CYP3A7: variants seen among roughly 807,000 people sequenced by gnomAD.
CYP3A7 encodes the protein cytochrome P450 3A7.
In CYP3A7, 45 loss-of-function variants were observed where a neutral mutation model predicts 55.2. That is an observed-to-expected ratio of 0.82 (90% confidence interval 0.64 to 1.05). The LOEUF is 1.05. CYP3A7 is among the 50% of genes least tolerant of loss of function. The probability of loss-of-function intolerance (pLI) is 0.00; values close to 1 mark genes in which losing one functional copy is unlikely to be tolerated. For missense variants in CYP3A7, 548 were observed against 605.3 expected, an observed-to-expected ratio of 0.91 and a Z score of 0.99; for synonymous variants, 180 against 207.4, an observed-to-expected ratio of 0.87 and a Z score of 1.13.
intron 1 of CYP3A7, among the ~76,000 whole-genome samples, chr7:99,732,306 G>C (rs1052102788): frequency 6.6e-6 from 1 of 152,116 alleles, no homozygotes; most frequent in African/African-American, 2.4e-5. Context: ...GCACCCTAGC[G>C]GCAGAAGTCG....
At chr7:99,723,372 G>A (rs1814281406) in intron 2 of CYP3A7, among the ~76,000 whole-genome samples, 1 of 152,072 alleles carries the variant, frequency 6.6e-6, no homozygotes, top group Admixed American at 6.5e-5. Context: ...CATGCACCTT[G>A]TGACCCCCTC....
intron 2 of CYP3A7, among the ~76,000 whole-genome samples, chr7:99,723,885 C>T (rs182419603): frequency 6.6e-6 from 1 of 152,318 alleles, no homozygotes; most frequent in Non-Finnish European, 1.5e-5. Context: ...AACAGTCTTC[C>T]CTTGGTGTCT....
chr7:99,714,480 G>A (rs1234484947), intron 8 of CYP3A7, 75 bp downstream of exon 8: 2 of 1,587,428 alleles, frequency 1.3e-6, no homozygotes, highest in Non-Finnish European at 1.7e-6. Context: ...ATACAGGGAA[G>A]TGCACCGATC....
chr7:99,717,603 A>T lies in CYP3A7; in HGVS notation c.355T>A (p.Ser119Thr), dbSNP rs1418020813. ...TTCCATTCTTCATCCTCAGCTATAG[A>T]GATGGCATTTTTCATAAATCCCACT... ...GPVGFMKNAI[S>T]IAEDEEWKRI... The change falls in exon 5 of 13, where the codon TCT becomes ACT. Residue 119 changes from serine (S) to threonine (T), a missense_variant. Transcript: ENST00000336374. 44 of 1,613,708 alleles carry T rather than the reference A, an allele frequency of 2.7e-5. No homozygotes were observed. The highest frequency in any genetic ancestry group is 3.6e-5 in the Non-Finnish European group (42 of 1,179,776).
chr7:99,718,959 A>G (rs1460649657), intron 4 of CYP3A7, among the ~76,000 whole-genome samples: 1 of 152,216 alleles, frequency 6.6e-6, no homozygotes, highest in Non-Finnish European at 1.5e-5. Context: ...CATGCACAGG[A>G]TCTCTATGCT....
chr7:99,728,564 AC>A (rs1814503529), intron 2 of CYP3A7, among the ~76,000 whole-genome samples: 1 of 152,138 alleles, frequency 6.6e-6, no homozygotes, highest in Admixed American at 6.5e-5. Flanking sequence ...TTTGCCTCAC[AC>A]AAGGCCTCTG....
chr7:99,710,829 G>C lies in CYP3A7; in HGVS notation c.929C>G (p.Thr310Arg), dbSNP rs61737520. The change falls in exon 10 of 13, where the codon ACG becomes AGG. Residue 310 changes from threonine (T) to arginine (R), a missense_variant. Transcript: ENST00000336374. Reference sequence around the variant, plus strand: ...TATAATGAAGGAGAGAACACTGCTCGTGGTTTCATAGCCAGCAAAAATAAA... The same window carrying C: ...TATAATGAAGGAGAGAACACTGCTCCTGGTTTCATAGCCAGCAAAAATAAA... ...IIFIFAGYET[T>R]SSVLSFIIYE... 7 of 1,613,834 alleles carry C rather than the reference G, an allele frequency of 4.3e-6. No individual in the cohort carries two copies. The highest frequency in any genetic ancestry group is 5.9e-6 in the Non-Finnish European group (7 of 1,179,862).
chr7:99,715,701 A>G, intron 7 of CYP3A7, 57 bp downstream of exon 7: 1 of 1,612,314 alleles, frequency 6.2e-7, no homozygotes, highest in Non-Finnish European at 8.5e-7. Flanking sequence ...TTTACATCTC[A>G]ATAAAGCAGT....
chr7:99,718,336 A>G (rs1422542076), intron 4 of CYP3A7, among the ~76,000 whole-genome samples: 1 of 152,206 alleles, frequency 6.6e-6, no homozygotes, highest in African/African-American at 2.4e-5. Flanking sequence ...TTCTATTAAC[A>G]TTCTTTCCTC....
At chr7:99,728,218 C>A (rs1814486822) in intron 2 of CYP3A7, among the ~76,000 whole-genome samples, 1 of 152,210 alleles carries the variant, frequency 6.6e-6, no homozygotes, top group African/African-American at 2.4e-5. Context: ...GTTGTCATTT[C>A]ATGACCTCTT....
At chr7:99,711,781 AAAC>A (rs10692661) in intron 9 of CYP3A7, among the ~76,000 whole-genome samples, 3 of 151,210 alleles carry the variant, frequency 2.0e-5, no homozygotes, top group African/African-American at 4.9e-5. Flanking sequence ...AAACAAAACA[AAAC>A]AACAACAACA....
Position 99,705,297 on chromosome 7 carries a change from G to A in CYP3A7, c.*203C>T. ...AATCTACTTCCCCAGCACTGATTTGGTCATCTCCTCTATATTACCAAGTAT... is the reference window on the plus strand; with the variant it reads ...AATCTACTTCCCCAGCACTGATTTGATCATCTCCTCTATATTACCAAGTAT... On this transcript the variant is annotated 3_prime_UTR_variant, in exon 13 of 13. Coordinates refer to ENST00000336374, the MANE Select transcript of CYP3A7 (RefSeq NM_000765.5). The A allele has an allele frequency of 1.8e-6, 1 of 561,076 alleles. No homozygotes were observed. Among genetic ancestry groups the A allele is most frequent in the Non-Finnish European group, 3.0e-6 (1 of 328,224 alleles). The allele number at this position is 561,076 out of a possible 1,614,324, so 34.8% of individuals were successfully genotyped here.
chr7:99,717,304 C>T, intron 5 of CYP3A7, 39 bp from the exon 6 acceptor site: 1 of 1,613,666 alleles, frequency 6.2e-7, no homozygotes, highest in Non-Finnish European at 8.5e-7. Context: ...GTTAAATGTG[C>T]AGACATAAGT....
At chr7:99,727,811 C>T (rs952644846) in intron 2 of CYP3A7, among the ~76,000 whole-genome samples, 2 of 152,192 alleles carry the variant, frequency 1.3e-5, no homozygotes, top group Non-Finnish European at 2.9e-5. Flanking sequence ...TTTATACTGA[C>T]TCTAAATGCT....
chr7:99,731,987 T>C (rs1030642011), intron 1 of CYP3A7, among the ~76,000 whole-genome samples: 6 of 152,218 alleles, frequency 3.9e-5, no homozygotes, highest in Non-Finnish European at 8.8e-5. Flanking sequence ...CAACTGGTGA[T>C]ATCCACCTGA....
At chr7:99,719,299 A>G (rs559227132) in intron 4 of CYP3A7, among the ~76,000 whole-genome samples, 1 of 152,324 alleles carries the variant, frequency 6.6e-6, no homozygotes, top group Admixed American at 6.5e-5. Context: ...TGATGGAGGA[A>G]TAAACACAGT....
chr7:99,720,014 A>G (rs1015481799), intron 4 of CYP3A7, among the ~76,000 whole-genome samples: 3 of 152,170 alleles, frequency 2.0e-5, no homozygotes, highest in African/African-American at 7.2e-5. Flanking sequence ...AACAACAAAC[A>G]ACAAACAAAA....
chr7:99,715,748 G>A lies in CYP3A7; in HGVS notation c.670+10C>T. 1.2e-6 allele frequency: 2 copies of A among 1,613,614 alleles called. No homozygotes were observed. Among genetic ancestry groups the A allele is most frequent in the Non-Finnish European group, 1.7e-6 (2 of 1,179,664 alleles). On this transcript the variant is annotated intron_variant, in intron 7 of 12. Transcript: ENST00000336374. ...GAGAGGGAGAGAAAAGGAAATAGTA[G>A]TCCACATACTTATTGAGAGAACGAA...
chr7:99,711,781 AAACAAC>A (rs10692661), intron 9 of CYP3A7, among the ~76,000 whole-genome samples: 2 of 151,330 alleles, frequency 1.3e-5, no homozygotes, highest in East Asian at 2.0e-4. Flanking sequence ...AAACAAAACA[AAACAAC>A]AACAACAACA....
Sources: gnomAD v4.1 joint callset for allele counts (sites outside exome capture counted in the v4.1 genomes callset) on GRCh38, gnomAD v4.1.1 for gene constraint, MANE v1.5 for transcripts, NCBI Gene and HGNC (gene_info 2026-07-23, HGNC 2026-07-21) for gene names.